Variants in ITPR1 observed in about 807,000 individuals in gnomAD.
ITPR1 encodes the protein inositol 1,4,5-trisphosphate receptor type 1, also known as inositol 1,4,5-trisphosphate-gated calcium channel ITPR1.
ITPR1 carries 96 observed loss-of-function variants against 318.4 expected under a neutral mutation model. The observed-to-expected ratio is 0.30, with a 90% confidence interval of 0.26 to 0.36. The LOEUF is 0.36. ITPR1 is among the 10% of genes least tolerant of loss of function. The pLI is 1.00. For synonymous variants in ITPR1, 1,312 were observed against 1,289.9 expected, an observed-to-expected ratio of 1.02 and a Z score of -0.37; for missense variants, 2,440 against 3,460.2, an observed-to-expected ratio of 0.71 and a Z score of 7.40.
At chr3:4,773,799 A>G (rs1375909555) in intron 46 of ITPR1, among the ~76,000 whole-genome samples, 1 of 152,172 alleles carries the variant, frequency 6.6e-6, no homozygotes, top group Non-Finnish European at 1.5e-5. Flanking sequence ...TCGAGCCCAC[A>G]CAGTCCCAAA....
At chr3:4,627,907 G>T in intron 5 of ITPR1, 29 bp downstream of exon 5, 1 of 1,419,522 alleles carries the variant, frequency 7.0e-7, no homozygotes, top group South Asian at 1.2e-5. Context: ...CTGTCGATGG[G>T]GCAGTAGTGA....
intron 31 of ITPR1, 98 bp from the exon 32 acceptor site, chr3:4,691,046 T>G: frequency 2.8e-6 from 2 of 717,702 alleles, no homozygotes; most frequent in South Asian, 5.5e-5. Context: ...ATGCTTCCCT[T>G]GTGTGTGTTT....
intron 51 of ITPR1, among the ~76,000 whole-genome samples, chr3:4,785,421 A>C (rs961699023): frequency 6.6e-6 from 1 of 152,250 alleles, no homozygotes; most frequent in African/African-American, 2.4e-5. Flanking sequence ...ATTTTAAAGA[A>C]TGGACAGACT....
intron 2 of ITPR1, among the ~76,000 whole-genome samples, chr3:4,511,133 G>C (rs929231611): frequency 6.6e-6 from 1 of 152,326 alleles, no homozygotes; most frequent in Admixed American, 6.5e-5. Context: ...ACGTAACAGT[G>C]ACTGGAGCCA....
chr3:4,768,898 C>CTTTTTCT (rs370536910), intron 46 of ITPR1, 134 bp downstream of exon 46: 5 of 819,804 alleles, frequency 6.1e-6, no homozygotes, highest in Middle Eastern at 3.1e-4. Flanking sequence ...CTTTTTTTTC[C>CTTTTTCT]TTTTTCTTTT....
intron 10 of ITPR1, among the ~76,000 whole-genome samples, chr3:4,647,632 C>T (rs561978196): frequency 8.5e-5 from 13 of 152,314 alleles, no homozygotes; most frequent in African/African-American, 2.4e-4. Flanking sequence ...CAATGTTACT[C>T]GTTCTAGTAG....
chr3:4,658,154 AG>A lies in ITPR1; in HGVS notation c.1029del (p.Arg343SerfsTer28). 1 of 1,613,182 alleles carries A rather than the reference AG, an allele frequency of 6.2e-7. No homozygotes were observed. On this transcript the variant is annotated frameshift_variant, in exon 13 of 62. Transcript: ENST00000649015. LOFTEE classifies it high-confidence loss of function. ...VDPDQDASRS[R>X]LRNAQEKMVY... ...CCCTGATCAGGACGCCTCTCGAAGT[AG>A]GTTGCGGAATGCCCAAGAAAAGATG...
intron 4 of ITPR1, among the ~76,000 whole-genome samples, chr3:4,618,243 A>G (rs1480012900): frequency 6.6e-6 from 1 of 152,218 alleles, no homozygotes; most frequent in East Asian, 1.9e-4. Context: ...TCAAATACTG[A>G]TAAACATAAC....
At chr3:4,813,107 G>A (rs1575347129) in intron 56 of ITPR1, 35 bp from the exon 57 acceptor site, 2 of 1,532,440 alleles carry the variant, frequency 1.3e-6, no homozygotes, top group Non-Finnish European at 1.8e-6. Flanking sequence ...TATGCTGCCA[G>A]ATTGTTCATC....
intron 18 of ITPR1, among the ~76,000 whole-genome samples, chr3:4,668,212 C>CTTTTTTTT (rs1455291596): frequency 7.1e-6 from 1 of 141,674 alleles, no homozygotes; most frequent in African/African-American, 2.8e-5. Context: ...TTCGTTCTTT[C>CTTTTTTTT]TATTTTTTTT....
intron 61 of ITPR1, 91 bp from the exon 62 acceptor site, chr3:4,846,048 C>A: frequency 1.4e-6 from 1 of 727,114 alleles, no homozygotes; most frequent in Non-Finnish European, 2.3e-6. Flanking sequence ...TCAGTATAAA[C>A]CATAACCACA....
intron 4 of ITPR1, among the ~76,000 whole-genome samples, chr3:4,586,060 G>A (rs1359207985): frequency 3.3e-5 from 5 of 152,006 alleles, no homozygotes; most frequent in African/African-American, 7.3e-5. Context: ...GAGAATGATG[G>A]TTTCCAGCTT....
chr3:4,496,639 A>G (rs2080595045), intron 2 of ITPR1, among the ~76,000 whole-genome samples: 1 of 152,228 alleles, frequency 6.6e-6, no homozygotes, highest in Non-Finnish European at 1.5e-5. Context: ...TTTCTTCAAA[A>G]TATTTTTAAG....
At chr3:4,502,603 G>A (rs750794522) in intron 2 of ITPR1, among the ~76,000 whole-genome samples, 5 of 151,962 alleles carry the variant, frequency 3.3e-5, no homozygotes, top group Admixed American at 6.5e-5. Flanking sequence ...ACCATGCCTA[G>A]CTAATTTTTA....
chr3:4,665,526 C>G (rs1273668040), intron 17 of ITPR1, among the ~76,000 whole-genome samples: 1 of 152,158 alleles, frequency 6.6e-6, no homozygotes, highest in Non-Finnish European at 1.5e-5. Flanking sequence ...TATGAGATTT[C>G]TGGTTTTGGA....
intron 4 of ITPR1, among the ~76,000 whole-genome samples, chr3:4,564,036 G>C (rs948723817): frequency 9.2e-5 from 14 of 152,028 alleles, no homozygotes; most frequent in South Asian, 6.2e-4. Flanking sequence ...CCACCTCCGG[G>C]GTTCAAGCGA....
At chr3:4,622,004 A>G (rs1245079843) in intron 4 of ITPR1, among the ~76,000 whole-genome samples, 1 of 151,446 alleles carries the variant, frequency 6.6e-6, no homozygotes, top group Non-Finnish European at 1.5e-5. Flanking sequence ...TTCAACATGG[A>G]TATTTGACCA....
In ITPR1 at chr3:4,779,567, G is replaced by A; in HGVS notation, c.6309G>A (p.Leu2103=). 1 of 1,612,136 alleles carries A rather than the reference G, an allele frequency of 6.2e-7. No homozygotes were observed. The highest frequency in any genetic ancestry group is 8.5e-7 in the Non-Finnish European group (1 of 1,178,640). Residue 2103 remains leucine (L), a synonymous_variant, in exon 49 of 62, where the codon TTG becomes TTA. Transcript: ENST00000649015. The surrounding 1 kb of genome is among the most constrained non-coding windows in gnomAD (Gnocchi z 4.0). ...VLELKNNASK[L]LLAIMESRHD... ...CCAACTAGAACAATGCCTCGAAGTT[G>A]CTCCTGGCCATCATGGAAAGCAGGC...
At chr3:4,542,996 CT>C (rs1218495310) in intron 4 of ITPR1, among the ~76,000 whole-genome samples, 2 of 152,122 alleles carry the variant, frequency 1.3e-5, no homozygotes, top group East Asian at 3.8e-4. Flanking sequence ...CTTCCTGCTC[CT>C]TTTTTTGTCT....
Sources: gnomAD v4.1 joint callset for allele counts (sites outside exome capture counted in the v4.1 genomes callset) on GRCh38, gnomAD v4.1.1 for gene constraint, Gnocchi (gnomAD v3.1) non-coding constraint, MANE v1.5 for transcripts, NCBI Gene and HGNC (gene_info 2026-07-23, HGNC 2026-07-21) for gene names.